The following ADGRL3 variants were observed in gnomAD, a reference collection of about 807,000 sequenced individuals.
The protein encoded by ADGRL3 is adhesion G protein-coupled receptor L3, also known as calcium-independent alpha-latrotoxin receptor 3.
In ADGRL3, 62 loss-of-function variants were observed where a neutral mutation model predicts 153.5. That is an observed-to-expected ratio of 0.40 (90% confidence interval 0.33 to 0.50). The LOEUF (loss-of-function observed/expected upper bound fraction) is 0.50. Among genes scored for constraint, ADGRL3 ranks in the 20% least tolerant of loss-of-function variants. The pLI is 0.47. For synonymous variants in ADGRL3, 710 were observed against 672.5 expected (o/e 1.06, Z -0.86); for missense variants, 1,641 against 1,859.4 (o/e 0.88, Z 2.16).
chr4:61,656,019 AC>A (rs747607831), intron 5 of ADGRL3, among the ~76,000 whole-genome samples: 4 of 152,114 alleles, frequency 2.6e-5, no homozygotes, highest in Admixed American at 1.3e-4. Flanking sequence ...TTTCTCTGTT[AC>A]GTTTTCCCCA....
intron 1 of ADGRL3, among the ~76,000 whole-genome samples, chr4:61,243,230 G>A (rs139378829): frequency 2.4e-4 from 37 of 152,076 alleles, no homozygotes; most frequent in African/African-American, 7.5e-4. Context: ...GAGATCAAAC[G>A]ATTTGCTTTA....
chr4:61,723,314 C>T (rs773731862), intron 6 of ADGRL3, among the ~76,000 whole-genome samples: 4 of 152,148 alleles, frequency 2.6e-5, no homozygotes, highest in Middle Eastern at 3.4e-3. Flanking sequence ...CTCCAATGAC[C>T]GGAGAAACAC....
intron 2 of ADGRL3, among the ~76,000 whole-genome samples, chr4:61,476,710 A>C (rs1256732817): frequency 8.8e-5 from 1 of 11,340 alleles, no homozygotes; most frequent in African/African-American, 2.0e-4. Context: ...ACTCTGTCTA[A>C]AAAAAAAAAA....
intron 25 of ADGRL3, among the ~76,000 whole-genome samples, chr4:62,045,696 T>C (rs922411988): frequency 6.6e-6 from 1 of 151,956 alleles, no homozygotes; most frequent in Non-Finnish European, 1.5e-5. Context: ...TAATTGAGTT[T>C]CATGTATTAT....
At chr4:61,812,177 A>T (rs577391565) in intron 8 of ADGRL3, among the ~76,000 whole-genome samples, 2 of 152,330 alleles carry the variant, frequency 1.3e-5, no homozygotes, top group South Asian at 4.1e-4. Context: ...AACTGCTAAC[A>T]GTACACAATT....
At chr4:61,750,527 C>T (rs1273974195) in intron 8 of ADGRL3, among the ~76,000 whole-genome samples, 1 of 152,172 alleles carries the variant, frequency 6.6e-6, no homozygotes, top group Non-Finnish European at 1.5e-5. Context: ...CGCGGTGGCT[C>T]ACGCCTGTAA....
At chr4:61,330,953 A>C (rs1027192811) in intron 1 of ADGRL3, among the ~76,000 whole-genome samples, 1 of 152,146 alleles carries the variant, frequency 6.6e-6, no homozygotes, top group Non-Finnish European at 1.5e-5. Flanking sequence ...AATGTGAGTC[A>C]ATTTCATAAA....
chr4:61,927,544 G>A (rs1272967557), intron 13 of ADGRL3, among the ~76,000 whole-genome samples: 2 of 152,022 alleles, frequency 1.3e-5, no homozygotes, highest in African/African-American at 4.8e-5. Context: ...GTAGTTCAGA[G>A]ATTAGTAGTT....
chr4:61,770,874 C>T (rs972952734), intron 8 of ADGRL3, among the ~76,000 whole-genome samples: 3 of 152,064 alleles, frequency 2.0e-5, no homozygotes, highest in Non-Finnish European at 4.4e-5. Context: ...TACACAAAGC[C>T]TTTCTAATGT....
chr4:61,708,167 G>C (rs979905254), intron 6 of ADGRL3, among the ~76,000 whole-genome samples: 4 of 152,000 alleles, frequency 2.6e-5, no homozygotes, highest in African/African-American at 9.7e-5. Flanking sequence ...TTCATGAAAA[G>C]TATCATGTGA....
chr4:61,504,048 A>G (rs1237931397), intron 3 of ADGRL3, among the ~76,000 whole-genome samples: 1 of 152,186 alleles, frequency 6.6e-6, no homozygotes, highest in African/African-American at 2.4e-5. Context: ...GCTGTAGTGC[A>G]GTGGCATAAT....
intron 9 of ADGRL3, among the ~76,000 whole-genome samples, chr4:61,817,485 A>C (rs1211672631): frequency 6.6e-6 from 1 of 152,058 alleles, no homozygotes; most frequent in East Asian, 1.9e-4. Context: ...GGAGCCACCC[A>C]CTGCCAGTCT....
intron 2 of ADGRL3, among the ~76,000 whole-genome samples, chr4:61,430,929 T>C (rs2097348872): frequency 6.6e-6 from 1 of 152,208 alleles, no homozygotes; most frequent in South Asian, 2.1e-4. Flanking sequence ...AGGTGGTTGT[T>C]AAAAGAGTAA....
chr4:61,853,811 G>A (rs1037627433), intron 9 of ADGRL3, among the ~76,000 whole-genome samples: 4 of 152,178 alleles, frequency 2.6e-5, no homozygotes, highest in African/African-American at 9.6e-5. Flanking sequence ...CCAAAAGACA[G>A]GTTTCATTTG....
intron 2 of ADGRL3, among the ~76,000 whole-genome samples, chr4:61,478,090 A>G (rs1336860809): frequency 6.6e-6 from 1 of 152,068 alleles, no homozygotes; most frequent in African/African-American, 2.4e-5. Context: ...CTTGGAGAAT[A>G]AAACATAAAA....
At position 61,934,887 on chromosome 4, in the gene ADGRL3, T is replaced by G; in HGVS notation, c.2160T>G (p.Asn720Lys). The G allele has an allele frequency of 6.2e-7, 1 of 1,613,844 alleles. No homozygotes were observed. The highest frequency in any genetic ancestry group is 1.1e-5 in the South Asian group (1 of 91,084). ...ACCTCCTTCAGCCACAAGCTTTGAA[T>G]GCATGGAGAGACCTGACTACGAGTG... ...VNNLLQPQAL[N>K]AWRDLTTSDQ... The change falls in exon 14 of 27, where the codon AAT becomes AAG. Residue 720 changes from asparagine to lysine, a missense_variant. Asn to Lys is a moderately conservative substitution (Grantham distance 94). Coordinates refer to ENST00000683033, the MANE Select transcript of ADGRL3 (RefSeq NM_001387552.1).
rs1211915654 is a variant in ADGRL3, at chr4:62,074,710, T to A, written c.*3802T>A. The A allele has an allele frequency of 1.3e-5, 2 of 152,070 alleles. No homozygotes were observed. The highest frequency in any genetic ancestry group is 2.9e-5 in the Non-Finnish European group (2 of 68,008). The allele number at this position is 152,070 out of a possible 1,614,324, so 9.4% of individuals were successfully genotyped here. ...TATCCTTAACTTCCTGTAAAAAAAA[T>A]TCACATTGACTCTAAATTAAGATGT... On this transcript the variant is annotated 3_prime_UTR_variant, in exon 27 of 27. Coordinates refer to ENST00000683033, the MANE Select transcript of ADGRL3 (RefSeq NM_001387552.1).
chr4:61,523,974 TTTAA>T (rs1417282446), intron 4 of ADGRL3, among the ~76,000 whole-genome samples: 1 of 152,130 alleles, frequency 6.6e-6, no homozygotes, highest in Non-Finnish European at 1.5e-5. Flanking sequence ...TGGTTTAAAA[TTTAA>T]TTAAGAATGT....
chr4:61,479,191 A>G (rs528272320), intron 2 of ADGRL3, among the ~76,000 whole-genome samples: 1 of 151,988 alleles, frequency 6.6e-6, no homozygotes, highest in African/African-American at 2.4e-5. Context: ...TTTTTTTGAC[A>G]CCAAGCTTCC....
Sources: gnomAD v4.1 joint callset for allele counts (sites outside exome capture counted in the v4.1 genomes callset) on GRCh38, gnomAD v4.1.1 for gene constraint, MANE v1.5 for transcripts, NCBI Gene and HGNC (gene_info 2026-07-23, HGNC 2026-07-21) for gene names.